Variants in DPYD observed in about 807,000 individuals in gnomAD.
DPYD encodes the protein dihydropyrimidine dehydrogenase, also known as dihydropyrimidine dehydrogenase [NADP(+)].
In DPYD, 109 loss-of-function variants were observed where a neutral mutation model predicts 116.2. The ratio of observed to expected loss-of-function variants is 0.94; its 90% CI spans 0.80 to 1.10. The LOEUF (loss-of-function observed/expected upper bound fraction) is 1.10, where lower values mean the gene tolerates loss of function less well. Ranked by LOEUF, DPYD falls within the 50% of genes least tolerant of loss-of-function variation. DPYD has a pLI of 0.00. For synonymous variants in DPYD, 440 were observed against 432.0 expected, an observed-to-expected ratio of 1.02 and a Z score of -0.23; for missense variants, 1,302 against 1,254.5, an observed-to-expected ratio of 1.04 and a Z score of -0.57.
At chr1:97,884,299 G>A (rs1301416459) in intron 1 of DPYD, among the ~76,000 whole-genome samples, 3 of 152,010 alleles carry the variant, frequency 2.0e-5, no homozygotes, top group Admixed American at 6.6e-5. Flanking sequence ...AAACATGGTA[G>A]TAGCACATGC....
At chr1:97,268,178 C>T (rs1664353516) in intron 18 of DPYD, among the ~76,000 whole-genome samples, 1 of 152,168 alleles carries the variant, frequency 6.6e-6, no homozygotes, top group Non-Finnish European at 1.5e-5. Flanking sequence ...CACACTGGGG[C>T]AGGGGTTGGG....
In DPYD at chr1:97,549,609, G is replaced by A. The variant is rs72549304; in HGVS notation, c.1475C>T (p.Ser492Leu). 2.7e-5 allele frequency: 43 copies of A among 1,613,686 alleles called. No homozygotes were observed. The highest frequency in any genetic ancestry group is 2.4e-4 in the South Asian group (22 of 91,080). Residue 492 changes from serine to leucine, a missense_variant, in exon 12 of 23, where the codon TCG becomes TTG. Ser to Leu is a moderately radical substitution (Grantham distance 145). Coordinates refer to ENST00000370192, the MANE Select transcript of DPYD (RefSeq NM_000110.4). The part of the protein sequence containing the change: ...VVGLANTTVE[S>L]VNDGKQASWY... Reference sequence around the variant, plus strand: ...AGAAGCTTGCTTTCCATCATTCACCGATTCCACTGTAGTGTTAGCCAAACC... The same window carrying A: ...AGAAGCTTGCTTTCCATCATTCACCAATTCCACTGTAGTGTTAGCCAAACC...
chr1:97,654,720 C>T (rs933124448), intron 8 of DPYD, among the ~76,000 whole-genome samples: 8 of 151,904 alleles, frequency 5.3e-5, no homozygotes, highest in African/African-American at 1.7e-4. Context: ...TTAAAAATAA[C>T]GTGAAAATAG....
At chr1:97,421,310 C>T (rs1399214730) in intron 14 of DPYD, among the ~76,000 whole-genome samples, 1 of 152,108 alleles carries the variant, frequency 6.6e-6, no homozygotes, top group African/African-American at 2.4e-5. Context: ...TATCAAATCA[C>T]CAAGGATCTT....
chr1:97,868,122 C>T (rs1383379551), intron 2 of DPYD, among the ~76,000 whole-genome samples: 2 of 148,660 alleles, frequency 1.3e-5, no homozygotes, highest in African/African-American at 4.9e-5. Context: ...ATCCCATTTA[C>T]AAGTAGCTAA....
At chr1:97,722,915 A>G (rs1199631989) in intron 4 of DPYD, among the ~76,000 whole-genome samples, 1 of 151,586 alleles carries the variant, frequency 6.6e-6, no homozygotes, top group Non-Finnish European at 1.5e-5. Context: ...AACGCCTGAT[A>G]ATAATAAGAA....
At chr1:97,174,014 T>G (rs765681601) in intron 20 of DPYD, among the ~76,000 whole-genome samples, 73 of 151,842 alleles carry the variant, frequency 4.8e-4, no homozygotes, top group Non-Finnish European at 5.0e-4. Flanking sequence ...ATGTTATAAT[T>G]TTATTATCCA....
chr1:97,692,661 A>C (rs1571200350), intron 6 of DPYD, among the ~76,000 whole-genome samples: 2 of 152,316 alleles, frequency 1.3e-5, no homozygotes, highest in Admixed American at 1.3e-4. Context: ...AGCTGCAATG[A>C]TTTGATGGTG....
intron 2 of DPYD, among the ~76,000 whole-genome samples, chr1:97,831,580 G>A (rs1369605304): frequency 6.6e-6 from 1 of 152,028 alleles, no homozygotes; most frequent in African/African-American, 2.4e-5. Context: ...TACAGGATAG[G>A]AAAGTTCATA....
chr1:97,095,003 T>A (rs1391770476), intron 21 of DPYD, among the ~76,000 whole-genome samples: 2 of 152,062 alleles, frequency 1.3e-5, no homozygotes, highest in African/African-American at 4.8e-5. Context: ...TATTTCAAAG[T>A]AAAGGATCAA....
chr1:97,186,606 TG>T lies in DPYD; in HGVS notation c.2622+6462del. ...GCTCATGCTTGTAAGCCCAGAACTC[TG>T]GGAGGCTGAGGTGGGTGGATCACTT... On this transcript the variant is annotated intron_variant, in intron 20 of 22. Coordinates refer to ENST00000370192, the MANE Select transcript of DPYD (RefSeq NM_000110.4). Among the ~76,000 whole-genome samples the T allele has an allele frequency of 1.3e-5, 2 of 152,260 alleles. 1 individual carries two copies. The highest frequency in any genetic ancestry group is 4.2e-4 in the South Asian group (2 of 4,818).
At chr1:97,570,792 A>C (rs1047954640) in intron 11 of DPYD, among the ~76,000 whole-genome samples, 2 of 151,860 alleles carry the variant, frequency 1.3e-5, no homozygotes, top group African/African-American at 4.8e-5. Context: ...AATTGATTAC[A>C]GATCTGCCTC....
At position 97,775,681 on chromosome 1, in the gene DPYD, T is replaced by G. The variant is rs74107710; in HGVS notation, c.234-35202A>C. 3.9e-3 allele frequency among the ~76,000 whole-genome samples: 593 copies of G among 152,298 alleles called. 4 individuals are homozygous for G. Among genetic ancestry groups the G allele is most frequent in the African/African-American group, 0.014 (576 of 41,572 alleles). ...ACATATTATATATATTCTTGTGTCC[T>G]AATGTTTATAATCTGTCTTCCTCCT... On this transcript the variant is annotated intron_variant, in intron 3 of 22. Transcript: ENST00000370192.
chr1:97,755,513 G>A (rs940932888), intron 3 of DPYD, among the ~76,000 whole-genome samples: 2 of 152,126 alleles, frequency 1.3e-5, no homozygotes, highest in Non-Finnish European at 1.5e-5. Context: ...AGACAAGCTG[G>A]TAACTGTGCA....
chr1:97,835,695 T>C (rs926046387), intron 2 of DPYD, among the ~76,000 whole-genome samples: 1 of 152,160 alleles, frequency 6.6e-6, no homozygotes, highest in Admixed American at 6.5e-5. Flanking sequence ...TTGAGTCTCA[T>C]ATGGTTTACA....
chr1:97,589,790 A>G (rs1286793731), intron 10 of DPYD, among the ~76,000 whole-genome samples: 1 of 152,104 alleles, frequency 6.6e-6, no homozygotes, highest in Admixed American at 6.5e-5. Context: ...AAACCATGCT[A>G]TTTCCAAATT....
chr1:97,731,192 C>T (rs565118418), intron 4 of DPYD, among the ~76,000 whole-genome samples: 90 of 152,032 alleles, frequency 5.9e-4, no homozygotes, highest in Non-Finnish European at 1.1e-3. Flanking sequence ...CTATTTTGTG[C>T]GAGTTTGCTC....
intron 14 of DPYD, chr1:97,394,367 A>G: frequency 6.6e-6 from 1 of 151,960 alleles, no homozygotes; most frequent in Admixed American, 6.6e-5. Flanking sequence ...AGTACTTTAA[A>G]TAGCCTAATT....
At chr1:97,383,263 G>A (rs192251287) in intron 14 of DPYD, among the ~76,000 whole-genome samples, 97 of 152,080 alleles carry the variant, frequency 6.4e-4, no homozygotes, top group African/African-American at 2.2e-3. Flanking sequence ...GATCACTTGA[G>A]GTCAGGAGTT....
Sources: allele counts gnomAD v4.1 joint callset (sites outside exome capture counted in the v4.1 genomes callset), GRCh38; gene constraint gnomAD v4.1.1; transcripts MANE v1.5; gene names NCBI Gene and HGNC (gene_info 2026-07-23, HGNC 2026-07-21).